The following CCDC85A variants were observed in gnomAD, a reference collection of about 807,000 sequenced individuals.
The protein encoded by CCDC85A is coiled-coil domain containing 85A.
A neutral mutation model predicts 50.2 loss-of-function variants in CCDC85A; 38 were observed. That is an observed-to-expected ratio of 0.76 (90% CI 0.58 to 0.99). CCDC85A has a LOEUF of 0.99. Ranked by LOEUF, CCDC85A falls within the 50% of genes least tolerant of loss-of-function variation. The pLI is 0.00. For synonymous variants in CCDC85A, 366 were observed against 301.4 expected, an observed-to-expected ratio of 1.21 and a Z score of -2.22; for missense variants, 820 against 742.0, an observed-to-expected ratio of 1.11 and a Z score of -1.22.
chr2:56,274,377 C>T (rs1265278987), intron 2 of CCDC85A, among the ~76,000 whole-genome samples: 1 of 152,144 alleles, frequency 6.6e-6, no homozygotes, highest in Non-Finnish European at 1.5e-5. Flanking sequence ...ATTTTTAGGG[C>T]TGGCTGGCAG....
At chr2:56,229,398 A>G (rs1434330772) in intron 2 of CCDC85A, among the ~76,000 whole-genome samples, 4 of 152,270 alleles carry the variant, frequency 2.6e-5, no homozygotes, top group African/African-American at 7.2e-5. Flanking sequence ...TTAAAGAAGT[A>G]TTTTTAAGGC....
chr2:56,345,117 A>C (rs1674571754), intron 3 of CCDC85A, among the ~76,000 whole-genome samples: 2 of 152,194 alleles, frequency 1.3e-5, no homozygotes, highest in South Asian at 4.1e-4. Context: ...ACAACTACTC[A>C]ATTTAAAGTG....
intron 2 of CCDC85A, among the ~76,000 whole-genome samples, chr2:56,271,357 G>A (rs1462922368): frequency 2.6e-5 from 4 of 152,114 alleles, no homozygotes; most frequent in Non-Finnish European, 5.9e-5. Flanking sequence ...ATAGTGAAGA[G>A]GGGCAAACAA....
At chr2:56,304,993 T>G (rs1672377454) in intron 2 of CCDC85A, among the ~76,000 whole-genome samples, 1 of 150,762 alleles carries the variant, frequency 6.6e-6, no homozygotes, top group South Asian at 2.1e-4. Flanking sequence ...GTCCCAGCTA[T>G]TCAGGAGGCT....
chr2:56,307,406 C>T (rs1473409593), intron 2 of CCDC85A, among the ~76,000 whole-genome samples: 1 of 152,084 alleles, frequency 6.6e-6, no homozygotes, highest in African/African-American at 2.4e-5. Flanking sequence ...AGTCTCCCTA[C>T]ATTGGCAGGA....
At chr2:56,234,155 C>T (rs1157596328) in intron 2 of CCDC85A, among the ~76,000 whole-genome samples, 2 of 152,168 alleles carry the variant, frequency 1.3e-5, no homozygotes, top group African/African-American at 4.8e-5. Context: ...ACATCCAGTG[C>T]TGCATCACTG....
At chr2:56,284,189 G>A (rs1671325958) in intron 2 of CCDC85A, among the ~76,000 whole-genome samples, 2 of 151,696 alleles carry the variant, frequency 1.3e-5, no homozygotes, top group African/African-American at 4.8e-5. Flanking sequence ...TTGATTTCTA[G>A]TTTATTTCTA....
intron 2 of CCDC85A, among the ~76,000 whole-genome samples, chr2:56,266,379 G>A (rs561248040): frequency 6.6e-6 from 1 of 152,212 alleles, no homozygotes; most frequent in East Asian, 1.9e-4. Context: ...AATCCAGCCT[G>A]GGCAACATAG....
intron 2 of CCDC85A, among the ~76,000 whole-genome samples, chr2:56,194,153 A>G (rs1294274412): frequency 6.6e-6 from 1 of 152,244 alleles, no homozygotes; most frequent in Admixed American, 6.5e-5. Context: ...ACACTGCAAG[A>G]GACATCTTTC....
chr2:56,247,145 T>C (rs1669547793), intron 2 of CCDC85A, among the ~76,000 whole-genome samples: 1 of 152,170 alleles, frequency 6.6e-6, no homozygotes, highest in African/African-American at 2.4e-5. Flanking sequence ...GTCCTGGATA[T>C]GTGTAAAGAA....
In CCDC85A at chr2:56,192,409, C is replaced by T; in HGVS notation, c.277-68C>T. On this transcript the variant is annotated intron_variant, in intron 1 of 5. Transcript: ENST00000407595. The surrounding 1 kb of genome is among the most constrained non-coding windows in gnomAD (Gnocchi z 4.7). ...TCACCAGTTACAGGCTCTCCCTTTC[C>T]AGGAAGTCTGAGCCTGCTGACACCT... 1 of 1,528,500 alleles carries T rather than the reference C, an allele frequency of 6.5e-7. No individual in the cohort carries two copies. The highest frequency in any genetic ancestry group is 8.8e-7 in the Non-Finnish European group (1 of 1,138,754). 94.7% of individuals were successfully genotyped at this position (1,528,500 alleles called of 1,614,324 possible).
intron 2 of CCDC85A, among the ~76,000 whole-genome samples, chr2:56,309,112 G>A (rs1048261840): frequency 2.0e-5 from 3 of 152,136 alleles, no homozygotes; most frequent in Admixed American, 6.6e-5. Flanking sequence ...TATGATATGG[G>A]AACATGGGCA....
intron 3 of CCDC85A, among the ~76,000 whole-genome samples, chr2:56,345,668 G>C (rs1385152577): frequency 6.6e-6 from 1 of 152,148 alleles, no homozygotes; most frequent in East Asian, 1.9e-4. Flanking sequence ...ATGGATGTCA[G>C]AACAGTGAGC....
At chr2:56,300,099 C>T (rs1358286159) in intron 2 of CCDC85A, among the ~76,000 whole-genome samples, 1 of 152,118 alleles carries the variant, frequency 6.6e-6, no homozygotes, top group East Asian at 1.9e-4. Flanking sequence ...TCTAGGCAAA[C>T]TAGGCCCTTC....
intron 2 of CCDC85A, among the ~76,000 whole-genome samples, chr2:56,319,114 A>G (rs1302750134): frequency 6.6e-6 from 1 of 152,122 alleles, no homozygotes; most frequent in East Asian, 1.9e-4. Flanking sequence ...TGTAGTTAGC[A>G]CTAGAATGGA....
chr2:56,278,229 A>G (rs928719024), intron 2 of CCDC85A, among the ~76,000 whole-genome samples: 1 of 152,036 alleles, frequency 6.6e-6, no homozygotes, highest in Non-Finnish European at 1.5e-5. Context: ...CCCCTTTTTA[A>G]TGAATAAAAT....
chr2:56,325,374 C>T (rs923122429), intron 2 of CCDC85A, among the ~76,000 whole-genome samples: 19 of 151,800 alleles, frequency 1.3e-4, no homozygotes, highest in South Asian at 4.2e-4. Context: ...GATATATATT[C>T]TCAGAGCCCA....
intron 2 of CCDC85A, among the ~76,000 whole-genome samples, chr2:56,251,365 G>GT (rs1669749305): frequency 6.6e-6 from 1 of 152,216 alleles, no homozygotes; most frequent in Non-Finnish European, 1.5e-5. Flanking sequence ...GAAAATAAGG[G>GT]TTGCTGTTTG....
At chr2:56,321,119 TA>T (rs1176295756) in intron 2 of CCDC85A, among the ~76,000 whole-genome samples, 1 of 152,044 alleles carries the variant, frequency 6.6e-6, no homozygotes, top group East Asian at 1.9e-4. Flanking sequence ...CTCAATAAAT[TA>T]GGTATTGATG....
Sources: allele counts gnomAD v4.1 joint callset (sites outside exome capture counted in the v4.1 genomes callset), GRCh38; gene constraint gnomAD v4.1.1; non-coding constraint Gnocchi (gnomAD v3.1); transcripts MANE v1.5; gene names NCBI Gene and HGNC (gene_info 2026-07-23, HGNC 2026-07-21).